TMPRSS7: variants seen among roughly 807,000 people sequenced by gnomAD.
TMPRSS7 encodes transmembrane protease serine 7.
TMPRSS7 carries 81 observed loss-of-function variants against 95.6 expected under a neutral mutation model. The ratio of observed to expected loss-of-function variants is 0.85; its 90% CI spans 0.71 to 1.02. The LOEUF (loss-of-function observed/expected upper bound fraction) is 1.02. TMPRSS7 is among the 50% of genes least tolerant of loss of function. The pLI is 0.00. For synonymous variants in TMPRSS7, 364 were observed against 337.8 expected (o/e 1.08, Z -0.85); for missense variants, 945 against 955.2 (o/e 0.99, Z 0.14).
chr3:112,035,041 T>C, intron 1 of TMPRSS7, 148 bp downstream of exon 1: 2 of 612,946 alleles, frequency 3.3e-6, no homozygotes, highest in Non-Finnish European at 5.8e-6. Context: ...GTTTTACAAA[T>C]GTGAGCTTAT....
chr3:112,064,000 C>G (rs986819045), intron 12 of TMPRSS7, among the ~76,000 whole-genome samples: 1 of 152,198 alleles, frequency 6.6e-6, no homozygotes, highest in Non-Finnish European at 1.5e-5. Context: ...CATGGTTTCT[C>G]ATAAGGCCTG....
At chr3:112,051,776 C>T (rs770620872) in intron 9 of TMPRSS7, among the ~76,000 whole-genome samples, 8 of 151,894 alleles carry the variant, frequency 5.3e-5, no homozygotes, top group Non-Finnish European at 5.9e-5. Context: ...TAGTAAACTG[C>T]TTTTTCTTTC....
intron 13 of TMPRSS7, among the ~76,000 whole-genome samples, chr3:112,067,194 G>A (rs2073588378): frequency 6.6e-6 from 1 of 152,200 alleles, no homozygotes; most frequent in Admixed American, 6.5e-5. Flanking sequence ...ATTCTCTGGT[G>A]TATATGTGCC....
chr3:112,045,635 A>G (rs962816323), intron 4 of TMPRSS7, 115 bp from the exon 5 acceptor site: 25 of 940,274 alleles, frequency 2.7e-5, no homozygotes, highest in Non-Finnish European at 3.0e-5. Flanking sequence ...TAAAGAAGGG[A>G]GCTAGCTTCA....
At chr3:112,068,185 TA>T (rs769697985) in intron 13 of TMPRSS7, among the ~76,000 whole-genome samples, 2 of 152,212 alleles carry the variant, frequency 1.3e-5, no homozygotes, top group Non-Finnish European at 2.9e-5. Flanking sequence ...TTGCTCTATA[TA>T]TCTGTTTTGG....
intron 9 of TMPRSS7, among the ~76,000 whole-genome samples, chr3:112,056,530 TAC>T (rs2107748465): frequency 6.6e-6 from 1 of 152,286 alleles, no homozygotes; most frequent in South Asian, 2.1e-4. Context: ...TTTGCTCATA[TAC>T]GTAGACAGCT....
At chr3:112,081,051 C>G in exon 18 of TMPRSS7, 1 of 1,610,308 alleles carries the variant, frequency 6.2e-7, no homozygotes, top group Non-Finnish European at 8.5e-7. Flanking sequence ...ACTTTGTTCC[C>G]TGGATTCATA....
chr3:112,078,592 A>G, intron 16 of TMPRSS7, 150 bp from the exon 17 acceptor site: 1 of 1,014,830 alleles, frequency 9.9e-7, no homozygotes, highest in Non-Finnish European at 1.4e-6. Context: ...TTTCTTCATC[A>G]GCAAAATGAG....
exon 5 of TMPRSS7, chr3:112,045,764 G>T (rs2073270811): frequency 1.9e-6 from 3 of 1,550,282 alleles, no homozygotes; most frequent in East Asian, 2.4e-5. Context: ...AACAACAAAG[G>T]CGGCCTCCTT....
At chr3:112,075,018 C>T (rs2073694541) in intron 14 of TMPRSS7, among the ~76,000 whole-genome samples, 1 of 152,222 alleles carries the variant, frequency 6.6e-6, no homozygotes, top group Non-Finnish European at 1.5e-5. Context: ...CATTTACATT[C>T]CTCTTTACCT....
intron 13 of TMPRSS7, among the ~76,000 whole-genome samples, chr3:112,067,922 T>C (rs1322488351): frequency 2.6e-5 from 4 of 152,226 alleles, no homozygotes; most frequent in Non-Finnish European, 1.5e-5. Context: ...ATGTCCTGAA[T>C]GGTAATGCCT....
At chr3:112,054,652 G>A (rs561171984) in intron 9 of TMPRSS7, among the ~76,000 whole-genome samples, 34 of 146,584 alleles carry the variant, frequency 2.3e-4, no homozygotes, top group Non-Finnish European at 3.9e-4. Context: ...GCTTCTTGTA[G>A]AAGATTGCAC....
intron 11 of TMPRSS7, among the ~76,000 whole-genome samples, 155 bp downstream of exon 11, chr3:112,062,078 A>G (rs1245373617): frequency 6.6e-6 from 1 of 151,306 alleles, no homozygotes; most frequent in African/African-American, 2.4e-5. Flanking sequence ...TAATTATAAA[A>G]TACAAATAAA....
intron 9 of TMPRSS7, among the ~76,000 whole-genome samples, chr3:112,052,308 C>T (rs1261944024): frequency 6.6e-6 from 1 of 151,746 alleles, no homozygotes; most frequent in East Asian, 1.9e-4. Flanking sequence ...AAGAATGTTG[C>T]AAGCAAAGAG....
intron 9 of TMPRSS7, among the ~76,000 whole-genome samples, chr3:112,054,313 A>G (rs973700556): frequency 3.3e-5 from 5 of 152,246 alleles, no homozygotes; most frequent in African/African-American, 7.2e-5. Flanking sequence ...AAAGTTCCCA[A>G]TGCAAAGGCA....
At chr3:112,068,650 CT>C (rs1559961904) in intron 13 of TMPRSS7, among the ~76,000 whole-genome samples, 1 of 152,122 alleles carries the variant, frequency 6.6e-6, no homozygotes, top group Non-Finnish European at 1.5e-5. Context: ...TGTAAGAACG[CT>C]TGTGATTTTT....
chr3:112,072,009 T>C (rs1045855929), intron 13 of TMPRSS7, among the ~76,000 whole-genome samples: 1 of 152,244 alleles, frequency 6.6e-6, no homozygotes, highest in African/African-American at 2.4e-5. Flanking sequence ...GCTGCATTCC[T>C]TTGAAGGAGA....
chr3:112,042,034 G>A (rs1049072963), exon 3 of TMPRSS7: 15 of 1,551,396 alleles, frequency 9.7e-6, no homozygotes, highest in African/African-American at 2.7e-5. Context: ...TCAGTGTCAC[G>A]GACTGTGCAG....
chr3:112,045,654 A>T, intron 4 of TMPRSS7, 96 bp from the exon 5 acceptor site: 1 of 1,190,760 alleles, frequency 8.4e-7, no homozygotes, highest in Non-Finnish European at 1.2e-6. Flanking sequence ...CAGTTGAAGG[A>T]TGTGCTCATT....
Sources: gnomAD v4.1 joint callset for allele counts (sites outside exome capture counted in the v4.1 genomes callset) on GRCh38, gnomAD v4.1.1 for gene constraint, MANE v1.5 for transcripts, NCBI Gene and HGNC (gene_info 2026-07-23, HGNC 2026-07-21) for gene names.